The following ZRANB3 variants were observed in gnomAD, a reference collection of about 807,000 sequenced individuals.
ZRANB3 encodes the protein zinc finger RANBP2-type containing 3, also known as DNA annealing helicase and endonuclease ZRANB3.
ZRANB3 carries 125 observed loss-of-function variants against 133.8 expected under a neutral mutation model. That is an observed-to-expected ratio of 0.93 (90% CI 0.81 to 1.08). The LOEUF (loss-of-function observed/expected upper bound fraction) is 1.08. Among genes scored for constraint, ZRANB3 ranks in the 50% least tolerant of loss-of-function variants. The pLI, the probability that ZRANB3 is intolerant of heterozygous loss-of-function variation, is 0.00. For missense variants in ZRANB3, 1,229 were observed against 1,275.5 expected (o/e 0.96, Z 0.56); for synonymous variants, 387 against 432.7 (o/e 0.89, Z 1.31).
intron 3 of ZRANB3, among the ~76,000 whole-genome samples, chr2:135,389,363 A>C (rs534733723): frequency 1.3e-5 from 2 of 152,182 alleles, no homozygotes; most frequent in Non-Finnish European, 2.9e-5. Context: ...TATAGGACTC[A>C]TGTTATTCCT....
intron 3 of ZRANB3, among the ~76,000 whole-genome samples, chr2:135,367,347 G>A (rs1461319234): frequency 6.6e-6 from 1 of 152,176 alleles, no homozygotes; most frequent in Non-Finnish European, 1.5e-5. Context: ...CAGTGGACTG[G>A]AGGCGGGGAC....
chr2:135,470,841 G>A lies in ZRANB3; in HGVS notation c.161+33488C>T, dbSNP rs375546215. On this transcript the variant is annotated intron_variant, in intron 2 of 20. Transcript: ENST00000264159. ...TTTTGAGATGGAGTCTCACTCTGTCGCCCAGGCTGGAGTGCAGTGGCGCAA... is the reference window on the plus strand; with the variant it reads ...TTTTGAGATGGAGTCTCACTCTGTCACCCAGGCTGGAGTGCAGTGGCGCAA... Among the ~76,000 whole-genome samples the A allele has an allele frequency of 9.9e-5, 14 of 141,910 alleles. No individual in the cohort carries two copies. In the East Asian group the frequency reaches 1.0e-3, roughly 10 times the overall value. 93.1% of individuals were successfully genotyped at this position (141,910 alleles called of 152,430 possible).
At chr2:135,360,629 C>T (rs780224019) in intron 3 of ZRANB3, among the ~76,000 whole-genome samples, 12 of 151,540 alleles carry the variant, frequency 7.9e-5, no homozygotes, top group Non-Finnish European at 1.3e-4. Flanking sequence ...GGCGTGAACC[C>T]GGGAAGCGGA....
Position 135,527,253 on chromosome 2 carries a change from C to T in ZRANB3, c.-8+3874G>A, listed in dbSNP as rs549495392. 4.9e-4 allele frequency among the ~76,000 whole-genome samples: 74 copies of T among 152,196 alleles called. 1 individual carries two copies. The highest frequency in any genetic ancestry group is 3.4e-3 in the Middle Eastern group (1 of 294). On this transcript the variant is annotated intron_variant, in intron 1 of 20. Transcript: ENST00000264159. The stretch of plus-strand genomic sequence containing the variant: ...GCCTCAGAGAAGACTCAGGGTCACA[C>T]TATACATTTAAAAATGGTTAAGATG...
chr2:135,474,683 AT>A (rs1691426817), intron 2 of ZRANB3, among the ~76,000 whole-genome samples: 1 of 152,268 alleles, frequency 6.6e-6, no homozygotes, highest in Admixed American at 6.5e-5. Flanking sequence ...AAATAAACTT[AT>A]TTTCTTTATA....
At chr2:135,486,900 C>A (rs907727787) in intron 2 of ZRANB3, among the ~76,000 whole-genome samples, 2 of 152,230 alleles carry the variant, frequency 1.3e-5, no homozygotes, top group Non-Finnish European at 2.9e-5. Context: ...GACATTTTAA[C>A]CTCCTCCCAT....
At chr2:135,367,245 TTA>T (rs1459020834) in intron 3 of ZRANB3, among the ~76,000 whole-genome samples, 2 of 152,090 alleles carry the variant, frequency 1.3e-5, no homozygotes, top group African/African-American at 4.8e-5. Flanking sequence ...GAACCTCAGT[TTA>T]TAGTGTTTAA....
intron 12 of ZRANB3, among the ~76,000 whole-genome samples, chr2:135,245,295 C>A (rs529930590): frequency 6.6e-6 from 1 of 152,244 alleles, no homozygotes; most frequent in African/African-American, 2.4e-5. Flanking sequence ...CTGATTGTAG[C>A]CTCTGGGCAA....
chr2:135,288,804 T>C (rs1681527905), intron 8 of ZRANB3, among the ~76,000 whole-genome samples: 2 of 152,104 alleles, frequency 1.3e-5, no homozygotes, highest in Admixed American at 1.3e-4. Context: ...CTTCTTTTCT[T>C]GGTTAGCCTC....
intron 2 of ZRANB3, among the ~76,000 whole-genome samples, chr2:135,417,119 T>G (rs1351420492): frequency 6.6e-6 from 1 of 152,104 alleles, no homozygotes; most frequent in Non-Finnish European, 1.5e-5. Context: ...TGGGATCTAA[T>G]TAAACTAAAG....
intron 8 of ZRANB3, among the ~76,000 whole-genome samples, chr2:135,288,678 C>G (rs574911786): frequency 5.3e-5 from 8 of 151,994 alleles, no homozygotes; most frequent in Non-Finnish European, 1.0e-4. Context: ...TCTAGGTTTT[C>G]TAGTTTGTGC....
chr2:135,514,136 T>G (rs1693598412), intron 1 of ZRANB3, among the ~76,000 whole-genome samples: 1 of 152,166 alleles, frequency 6.6e-6, no homozygotes, highest in Non-Finnish European at 1.5e-5. Context: ...TCTTTTTTGG[T>G]TCCATATGAA....
chr2:135,394,555 G>A (rs1029288108), intron 2 of ZRANB3, among the ~76,000 whole-genome samples: 1 of 152,072 alleles, frequency 6.6e-6, no homozygotes. Flanking sequence ...TAGGAAGGAA[G>A]AGTATAGAGA....
intron 8 of ZRANB3, among the ~76,000 whole-genome samples, chr2:135,309,042 G>A (rs1026883404): frequency 1.3e-5 from 2 of 148,176 alleles, no homozygotes; most frequent in East Asian, 4.0e-4. Flanking sequence ...GTGCAGTGGT[G>A]CAATCTCGGC....
At chr2:135,473,928 T>C (rs576528339) in intron 2 of ZRANB3, among the ~76,000 whole-genome samples, 8 of 152,296 alleles carry the variant, frequency 5.3e-5, no homozygotes, top group Middle Eastern at 3.4e-3. Flanking sequence ...CTCATGCTTG[T>C]AATTCCAGCA....
At chr2:135,252,921 A>C (rs1679475223) in intron 12 of ZRANB3, among the ~76,000 whole-genome samples, 1 of 152,160 alleles carries the variant, frequency 6.6e-6, no homozygotes, top group South Asian at 2.1e-4. Context: ...CTCAGGTCTC[A>C]TTTTATTGAT....
chr2:135,204,046 T>C (rs1693745638), intron 19 of ZRANB3, among the ~76,000 whole-genome samples: 1 of 152,218 alleles, frequency 6.6e-6, no homozygotes, highest in Non-Finnish European at 1.5e-5. Context: ...TCACGGCTGC[T>C]GGCCATGGGA....
At chr2:135,447,876 C>T (rs1043420819) in intron 2 of ZRANB3, among the ~76,000 whole-genome samples, 17 of 152,242 alleles carry the variant, frequency 1.1e-4, no homozygotes, top group Admixed American at 1.3e-4. Flanking sequence ...AGGGAAATGA[C>T]AGTGGTTACT....
intron 1 of ZRANB3, among the ~76,000 whole-genome samples, chr2:135,526,027 GT>G (rs1310189800): frequency 1.3e-5 from 2 of 152,110 alleles, no homozygotes; most frequent in African/African-American, 4.8e-5. Flanking sequence ...AATGGTGGCT[GT>G]GGTGCAAAGG....
Sources: gnomAD v4.1 joint callset for allele counts (sites outside exome capture counted in the v4.1 genomes callset) on GRCh38, gnomAD v4.1.1 for gene constraint, MANE v1.5 for transcripts, NCBI Gene and HGNC (gene_info 2026-07-23, HGNC 2026-07-21) for gene names.